Variants in FGF10 observed in about 807,000 individuals in gnomAD.
FGF10 encodes fibroblast growth factor 10.
In FGF10, 2 loss-of-function variants were observed where a neutral mutation model predicts 19.8. The observed-to-expected ratio is 0.10, with a 90% confidence interval of 0.04 to 0.32. The LOEUF (loss-of-function observed/expected upper bound fraction) is 0.32. Among genes scored for constraint, FGF10 ranks in the 10% least tolerant of loss-of-function variants. FGF10 has a pLI of 1.00. For synonymous variants in FGF10, 112 were observed against 94.0 expected, an observed-to-expected ratio of 1.19 and a Z score of -1.10; for missense variants, 191 against 246.3, an observed-to-expected ratio of 0.78 and a Z score of 1.50.
intron 1 of FGF10, among the ~76,000 whole-genome samples, chr5:44,313,528 C>T (rs547880268): frequency 7.1e-4 from 108 of 151,448 alleles, no homozygotes; most frequent in African/African-American, 2.5e-3. Flanking sequence ...TGGATCTCCC[C>T]GTGTTTCTTA....
chr5:44,372,607 G>A (rs1022171338), intron 1 of FGF10, among the ~76,000 whole-genome samples: 2 of 152,116 alleles, frequency 1.3e-5, no homozygotes, highest in African/African-American at 4.8e-5. Flanking sequence ...ATTGTGTAAT[G>A]TAAATAATGG....
rs1455486169 is a variant in FGF10 at position 44,303,799 on chromosome 5, A to C, written c.*1196T>G. ...TTTGCTCAGTTTAAGCCCCTGGGAG[A>C]GTTGCGCTTCATACCAAATTCTTTG... On this transcript the variant is annotated 3_prime_UTR_variant, in exon 3 of 3. Transcript: ENST00000264664. 6.6e-6 allele frequency: 1 copy of C among 152,134 alleles called. No individual in the cohort carries two copies. The highest frequency in any genetic ancestry group is 1.5e-5 in the Non-Finnish European group (1 of 68,034). The allele number at this position is 152,134 out of a possible 1,614,324, so 9.4% of individuals were successfully genotyped here.
At chr5:44,367,024 T>A (rs1244071352) in intron 1 of FGF10, among the ~76,000 whole-genome samples, 2 of 151,996 alleles carry the variant, frequency 1.3e-5, no homozygotes, top group Non-Finnish European at 2.9e-5. Context: ...TTTCTCAAAC[T>A]GCAAGAAAAT....
chr5:44,356,145 AATTAAATAGATGACC>A (rs1741341612), intron 1 of FGF10, among the ~76,000 whole-genome samples: 1 of 151,482 alleles, frequency 6.6e-6, no homozygotes, highest in Admixed American at 6.6e-5. Flanking sequence ...AATCAAAATC[AATTAAATAGATGACC>A]ATTAGCAATT....
chr5:44,343,941 G>T (rs1291999509), intron 1 of FGF10, among the ~76,000 whole-genome samples: 2 of 152,002 alleles, frequency 1.3e-5, no homozygotes, highest in African/African-American at 4.8e-5. Context: ...AACATTTGTA[G>T]TAGTGGTATG....
rs35522683 is a variant in FGF10 at position 44,366,127 on chromosome 5, C to CTTTTTTTTT, written c.325+22222_325+22230dup. Among the ~76,000 whole-genome samples the CTTTTTTTTT allele has an allele frequency of 5.6e-4, 42 of 74,794 alleles. 1 individual carries two copies. Among genetic ancestry groups the CTTTTTTTTT allele is most frequent in the Non-Finnish European group, 7.0e-4 (30 of 42,628 alleles). 49.1% of individuals were successfully genotyped at this position (74,794 alleles called of 152,430 possible). On this transcript the variant is annotated intron_variant, in intron 1 of 2. Coordinates refer to ENST00000264664, the MANE Select transcript of FGF10 (RefSeq NM_004465.2). ...CTCTCACCTCTATATCAATTATTTC[C>CTTTTTTTTT]TTTTTTTTTTTTTTTTTTTTTTTTG...
intron 1 of FGF10, among the ~76,000 whole-genome samples, chr5:44,361,417 T>C (rs1044645394): frequency 2.0e-5 from 3 of 151,638 alleles, no homozygotes; most frequent in Admixed American, 1.3e-4. Flanking sequence ...ATGTCATAGA[T>C]ATGAGAGCCT....
chr5:44,320,818 G>T (rs577910893), intron 1 of FGF10, among the ~76,000 whole-genome samples: 4 of 151,728 alleles, frequency 2.6e-5, no homozygotes, highest in Admixed American at 1.3e-4. Flanking sequence ...GGACTCAAGT[G>T]ATCCTTCCAT....
intron 1 of FGF10, among the ~76,000 whole-genome samples, chr5:44,371,645 A>G (rs1193311066): frequency 3.9e-5 from 6 of 152,144 alleles, no homozygotes; most frequent in Non-Finnish European, 8.8e-5. Flanking sequence ...TCTGTATCAA[A>G]CAACCAAAGC....
intron 1 of FGF10, among the ~76,000 whole-genome samples, chr5:44,356,768 G>A (rs1237886711): frequency 6.6e-6 from 1 of 151,328 alleles, no homozygotes; most frequent in Non-Finnish European, 1.5e-5. Context: ...CAGTTCTAAA[G>A]TTCTGGTGCT....
chr5:44,334,800 T>G (rs1740809699), intron 1 of FGF10, among the ~76,000 whole-genome samples: 1 of 152,132 alleles, frequency 6.6e-6, no homozygotes, highest in Non-Finnish European at 1.5e-5. Context: ...CCTGACATTG[T>G]TTAGTCAGCT....
At chr5:44,349,422 TTATA>T (rs869035955) in intron 1 of FGF10, among the ~76,000 whole-genome samples, 66 of 41,412 alleles carry the variant, frequency 1.6e-3, no homozygotes, top group African/African-American at 5.7e-3. Flanking sequence ...AGCATTTTCT[TTATA>T]TATATATATA....
intron 1 of FGF10, among the ~76,000 whole-genome samples, chr5:44,333,243 T>C (rs1740777243): frequency 6.6e-6 from 1 of 152,164 alleles, no homozygotes; most frequent in South Asian, 2.1e-4. Flanking sequence ...GTAAGCTGTG[T>C]TGGTGGAACA....
rs1739946225 is a variant in FGF10, at chr5:44,300,455, A to C, written c.*4540T>G. 6.6e-6 allele frequency among the ~76,000 whole-genome samples: 1 copy of C among 152,148 alleles called. No homozygotes were observed. The highest frequency in any genetic ancestry group is 6.6e-5 in the Admixed American group (1 of 15,252). On this transcript the variant is annotated 3_prime_UTR_variant, in exon 3 of 3. Coordinates refer to ENST00000264664, the MANE Select transcript of FGF10 (RefSeq NM_004465.2). ...AAAACTTGCATTCATCCCAATATAA[A>C]GTTTGCAAAACCACAGTGAGCCTAG...
chr5:44,360,538 T>G (rs1741457388), intron 1 of FGF10, among the ~76,000 whole-genome samples: 1 of 151,614 alleles, frequency 6.6e-6, no homozygotes, highest in Non-Finnish European at 1.5e-5. Context: ...GACTACAGGC[T>G]TCCTTCAAAG....
intron 1 of FGF10, among the ~76,000 whole-genome samples, chr5:44,338,305 T>G (rs1342994478): frequency 2.6e-5 from 4 of 152,206 alleles, no homozygotes; most frequent in Non-Finnish European, 4.4e-5. Flanking sequence ...CTTTGTACTC[T>G]TCTGTATTTT....
In FGF10 at chr5:44,376,501, A is replaced by AC. The variant is rs1561219441; in HGVS notation, c.325+11856_325+11857insG. Among the ~76,000 whole-genome samples the AC allele has an allele frequency of 4.4e-5, 5 of 112,502 alleles. 1 individual carries two copies. In the East Asian group the frequency reaches 1.0e-3, roughly 24 times the overall value. The allele number at this position is 112,502 out of a possible 152,430, so 73.8% of individuals were successfully genotyped here. On this transcript the variant is annotated intron_variant, in intron 1 of 2. Coordinates refer to ENST00000264664, the MANE Select transcript of FGF10 (RefSeq NM_004465.2). ...TAGAATACAAATGCCAAAAAAAAAA[A>AC]AAAAAAAAAAAAAAAACAAAAAACC...
chr5:44,325,806 G>A (rs1346979641), intron 1 of FGF10, among the ~76,000 whole-genome samples: 3 of 151,940 alleles, frequency 2.0e-5, no homozygotes, highest in South Asian at 4.1e-4. Flanking sequence ...CACCAACATG[G>A]CACATGTATA....
chr5:44,348,497 A>C (rs2111811937), intron 1 of FGF10, among the ~76,000 whole-genome samples: 1 of 151,602 alleles, frequency 6.6e-6, no homozygotes, highest in East Asian at 2.0e-4. Context: ...TGTGTTCACC[A>C]GACCTTCTGA....
Sources: allele counts gnomAD v4.1 joint callset (sites outside exome capture counted in the v4.1 genomes callset), GRCh38; gene constraint gnomAD v4.1.1; transcripts MANE v1.5; gene names NCBI Gene and HGNC (gene_info 2026-07-23, HGNC 2026-07-21).